Variants in SPIN1 observed in about 807,000 individuals in gnomAD.
The protein encoded by SPIN1 is spindlin 1.
Under a neutral mutation model 26.0 loss-of-function variants are expected in SPIN1, and 3 were observed. That is an observed-to-expected ratio of 0.12 (90% CI 0.05 to 0.30). The LOEUF is 0.30. Among genes scored for constraint, SPIN1 ranks in the 10% least tolerant of loss-of-function variants. The probability of loss-of-function intolerance (pLI) is 1.00; values close to 1 mark genes in which losing one functional copy is unlikely to be tolerated. For missense variants in SPIN1, 126 were observed against 333.4 expected (o/e 0.38, Z 4.84); for synonymous variants, 101 against 116.5 (o/e 0.87, Z 0.86).
At chr9:88,412,179 A>C (rs1009736585) in intron 1 of SPIN1, among the ~76,000 whole-genome samples, 3 of 150,646 alleles carry the variant, frequency 2.0e-5, no homozygotes, top group Non-Finnish European at 3.0e-5. Flanking sequence ...ACTGCATCTC[A>C]AAAAAAAACA....
chr9:88,462,543 G>A lies in SPIN1; in HGVS notation c.149G>A (p.Arg50Gln), dbSNP rs1828594758. The change falls in exon 4 of 6, where the codon CGG (arginine) becomes CAG (glutamine). Residue 50 changes from arginine (R) to glutamine (Q), a missense_variant. Physicochemically the swap from Arg to Gln is conservative, Grantham distance 43. Around this residue, in one of 7 missense-constraint regions of SPIN1, gnomAD observed 63 missense variants for 101.3 expected, o/e 0.62. Coordinates refer to ENST00000375859, the MANE Select transcript of SPIN1 (RefSeq NM_006717.3). ...CCGAGCAAACCTGTTTCCCAGCCCCGGCGGAACATCGTAGGCTGCAGGATT... is the reference window on the plus strand; with the variant it reads ...CCGAGCAAACCTGTTTCCCAGCCCCAGCGGAACATCGTAGGCTGCAGGATT... ...VGPSKPVSQP[R>Q]RNIVGCRIQH... The A allele has an allele frequency of 1.9e-6, 3 of 1,614,060 alleles. No individual in the cohort carries two copies. Among genetic ancestry groups the A allele is most frequent in the Non-Finnish European group, 2.5e-6 (3 of 1,179,986 alleles).
At chr9:88,445,517 T>G (rs1158802738) in intron 2 of SPIN1, among the ~76,000 whole-genome samples, 1 of 124,550 alleles carries the variant, frequency 8.0e-6, no homozygotes, top group Non-Finnish European at 1.6e-5. Flanking sequence ...GTATTGAGAC[T>G]TTTATTATTA....
chr9:88,411,517 A>G (rs1827442281), intron 1 of SPIN1: 1 of 726,938 alleles, frequency 1.4e-6, no homozygotes, highest in Admixed American at 2.8e-5. Context: ...CCATGGGCAG[A>G]AAGCTTTTTT....
At chr9:88,393,236 G>A (rs1391837579) in intron 1 of SPIN1, among the ~76,000 whole-genome samples, 1 of 150,942 alleles carries the variant, frequency 6.6e-6, no homozygotes, top group East Asian at 1.9e-4. Context: ...GACTAGTAAG[G>A]CATCTTTTTA....
At chr9:88,425,654 A>G (rs1340732220) in intron 1 of SPIN1, among the ~76,000 whole-genome samples, 1 of 150,806 alleles carries the variant, frequency 6.6e-6, no homozygotes, top group Non-Finnish European at 1.5e-5. Flanking sequence ...CAGTCTGGCG[A>G]CACAGCGAGA....
chr9:88,392,474 A>G (rs1044679490), intron 1 of SPIN1, among the ~76,000 whole-genome samples: 4 of 152,150 alleles, frequency 2.6e-5, no homozygotes, highest in Non-Finnish European at 4.4e-5. Flanking sequence ...GAAGAAAGAC[A>G]TCTGGATGGA....
intron 2 of SPIN1, among the ~76,000 whole-genome samples, chr9:88,443,640 G>A (rs1362567643): frequency 1.3e-5 from 2 of 152,168 alleles, no homozygotes; most frequent in Admixed American, 6.5e-5. Flanking sequence ...GTTGAAAGGC[G>A]CAGATGATGT....
At chr9:88,462,365 A>G (rs1373416414) in intron 3 of SPIN1, 131 bp from the exon 4 acceptor site, 1 of 1,278,832 alleles carries the variant, frequency 7.8e-7, no homozygotes, top group Non-Finnish European at 1.1e-6. Flanking sequence ...TGAAGCAGGA[A>G]TGTGGCAAAC....
intron 3 of SPIN1, chr9:88,457,820 GA>G: frequency 1.0e-6 from 1 of 980,868 alleles, no homozygotes; most frequent in Non-Finnish European, 1.2e-6. Flanking sequence ...ATATACATGA[GA>G]AAAAAATGTG....
chr9:88,454,571 T>C (rs1314531355), intron 3 of SPIN1, among the ~76,000 whole-genome samples: 1 of 152,248 alleles, frequency 6.6e-6, no homozygotes, highest in Non-Finnish European at 1.5e-5. Flanking sequence ...GTTCAATATA[T>C]AAATAACTTT....
intron 4 of SPIN1, 27 bp from the exon 5 acceptor site, chr9:88,468,344 AC>A: frequency 8.6e-7 from 1 of 1,162,518 alleles, no homozygotes; most frequent in South Asian, 1.7e-5. Context: ...CACTTTGTCA[AC>A]TTTTTTTTTT....
At chr9:88,437,359 G>A (rs371136656) in intron 2 of SPIN1, among the ~76,000 whole-genome samples, 2 of 151,946 alleles carry the variant, frequency 1.3e-5, no homozygotes, top group Non-Finnish European at 2.9e-5. Flanking sequence ...GTAGTGGAGC[G>A]TGGTGGCTCA....
intron 1 of SPIN1, chr9:88,410,782 C>A: frequency 1.8e-6 from 2 of 1,096,282 alleles, no homozygotes; most frequent in Non-Finnish European, 2.8e-6. Flanking sequence ...CCCACTGCCA[C>A]CAAAGCCACC....
chr9:88,418,183 A>T (rs1168754128), intron 1 of SPIN1, among the ~76,000 whole-genome samples: 1 of 152,186 alleles, frequency 6.6e-6, no homozygotes, highest in Non-Finnish European at 1.5e-5. Context: ...GGTAGGGCTG[A>T]AAGTTCCAAC....
At chr9:88,447,406 T>C (rs1424603724) in intron 2 of SPIN1, among the ~76,000 whole-genome samples, 4 of 152,182 alleles carry the variant, frequency 2.6e-5, no homozygotes, top group Non-Finnish European at 4.4e-5. Flanking sequence ...TTTTTGTTGG[T>C]GTTGAACATT....
intron 1 of SPIN1, chr9:88,410,704 C>T (rs1476842274): frequency 1.3e-5 from 18 of 1,422,480 alleles, no homozygotes; most frequent in Non-Finnish European, 1.7e-5. Flanking sequence ...GTTGTAATTG[C>T]CAAAATCATT....
At chr9:88,455,895 A>T (rs1828461281) in intron 3 of SPIN1, among the ~76,000 whole-genome samples, 1 of 152,202 alleles carries the variant, frequency 6.6e-6, no homozygotes, top group Non-Finnish European at 1.5e-5. Context: ...AAGCAAGAGG[A>T]TTGCTTGAGC....
chr9:88,451,965 T>C (rs1587808000), intron 3 of SPIN1, among the ~76,000 whole-genome samples: 2 of 152,308 alleles, frequency 1.3e-5, no homozygotes, highest in East Asian at 3.9e-4. Context: ...CCCTCCCCCC[T>C]CCTGCAATTT....
At chr9:88,471,326 T>C (rs961911098) in intron 5 of SPIN1, among the ~76,000 whole-genome samples, 3 of 152,078 alleles carry the variant, frequency 2.0e-5, no homozygotes, top group African/African-American at 7.2e-5. Flanking sequence ...TATCTAGTTG[T>C]CCAAGCACCA....
Sources: gnomAD v4.1 joint callset for allele counts (sites outside exome capture counted in the v4.1 genomes callset) on GRCh38, gnomAD v4.1.1 for gene constraint, gnomAD v4.1.1 regional missense constraint, MANE v1.5 for transcripts, NCBI Gene and HGNC (gene_info 2026-07-23, HGNC 2026-07-21) for gene names.